NRG3: variants seen among roughly 807,000 people sequenced by gnomAD.
NRG3 encodes the protein neuregulin 3, also known as pro-neuregulin-3, membrane-bound isoform.
Under a neutral mutation model 66.9 loss-of-function variants are expected in NRG3, and 31 were observed. That is an observed-to-expected ratio of 0.46 (90% CI 0.35 to 0.63). The LOEUF is 0.63. Ranked by LOEUF, NRG3 falls within the 20% of genes least tolerant of loss-of-function variation. The pLI is 0.00. For synonymous variants in NRG3, 393 were observed against 359.4 expected (o/e 1.09, Z -1.06); for missense variants, 910 against 878.9 (o/e 1.04, Z -0.45).
At chr10:82,016,678 T>C (rs2061800948) in intron 1 of NRG3, among the ~76,000 whole-genome samples, 1 of 152,004 alleles carries the variant, frequency 6.6e-6, no homozygotes, top group African/African-American at 2.4e-5. Flanking sequence ...TGTTATGTTT[T>C]AAGTGAAAAG....
chr10:82,665,004 C>G lies in NRG3; in HGVS notation c.954-73573C>G, dbSNP rs143096082. Among the ~76,000 whole-genome samples the G allele has an allele frequency of 9.2e-3, 1,404 of 152,300 alleles. 18 individuals carry two copies. Among genetic ancestry groups the G allele is most frequent in the Middle Eastern group, 0.017 (5 of 294 alleles). On this transcript the variant is annotated intron_variant, in intron 2 of 8. Transcript: ENST00000372141. ...ACAGCTCATGATCCATATTCTCCGC[C>G]TTCTCACGATGATGTCCATTATTTC...
intron 3 of NRG3, among the ~76,000 whole-genome samples, chr10:82,751,080 G>A (rs992186463): frequency 6.6e-6 from 1 of 152,070 alleles, no homozygotes; most frequent in African/African-American, 2.4e-5. Context: ...TGATTTGTTT[G>A]ATATGTGGAT....
chr10:82,481,512 G>A (rs1564972784), intron 2 of NRG3, among the ~76,000 whole-genome samples: 2 of 152,022 alleles, frequency 1.3e-5, no homozygotes, highest in South Asian at 4.2e-4. Flanking sequence ...GAAATTAAAG[G>A]GTCAAAATGA....
Position 82,128,438 on chromosome 10 carries a change from C to T in NRG3, c.824-230301C>T, listed in dbSNP as rs1365673523. ...GACATGTGCATCCCTTATATTAAAACTCTTACTTTCTATATGCCTTCCCAG... is the reference window on the plus strand; with the variant it reads ...GACATGTGCATCCCTTATATTAAAATTCTTACTTTCTATATGCCTTCCCAG... On this transcript the variant is annotated intron_variant, in intron 1 of 8. Transcript: ENST00000372141. Among the ~76,000 whole-genome samples, 4 of 152,020 alleles carry T rather than the reference C, an allele frequency of 2.6e-5. No individual in the cohort carries two copies. In the South Asian group the frequency reaches 6.2e-4, roughly 24 times the overall value.
chr10:82,114,411 G>A (rs751392644), intron 1 of NRG3, among the ~76,000 whole-genome samples: 4 of 152,126 alleles, frequency 2.6e-5, no homozygotes, highest in Non-Finnish European at 4.4e-5. Context: ...GAACCTGAAC[G>A]TGCTAAAAAA....
intron 1 of NRG3, among the ~76,000 whole-genome samples, chr10:81,900,624 A>G (rs1339305037): frequency 1.3e-5 from 2 of 152,208 alleles, no homozygotes; most frequent in Non-Finnish European, 2.9e-5. Flanking sequence ...AATGCTTAAG[A>G]TATTTACATT....
rs71894841 is a variant in NRG3 at position 82,215,963 on chromosome 10, C to CT, written c.824-142754dup. Among the ~76,000 whole-genome samples, 532 of 89,664 alleles carry CT rather than the reference C, an allele frequency of 5.9e-3. 8 individuals are homozygous for CT. The highest frequency in any genetic ancestry group is 0.018 in the South Asian group (48 of 2,614). 58.8% of individuals were successfully genotyped at this position (89,664 alleles called of 152,430 possible). On this transcript the variant is annotated intron_variant, in intron 1 of 8. Coordinates refer to ENST00000372141, the MANE Select transcript of NRG3 (RefSeq NM_001010848.4). ...GTTTGTTTATATTTTTTATGTTTTC[C>CT]TTTTTTTTTTTTTTTTTTTTTTGAG... is the stretch of plus-strand genomic sequence containing the variant.
At chr10:82,490,734 T>C (rs757432762) in intron 2 of NRG3, among the ~76,000 whole-genome samples, 5 of 152,138 alleles carry the variant, frequency 3.3e-5, no homozygotes, top group Non-Finnish European at 7.3e-5. Flanking sequence ...TGATTCCTAT[T>C]CTTCCCTCAA....
Position 82,358,732 on chromosome 10 carries a change from C to G in NRG3, c.824-7C>G, listed in dbSNP as rs2083935821. The G allele has an allele frequency of 1.2e-6, 2 of 1,614,094 alleles. No homozygotes were observed. Among genetic ancestry groups the G allele is most frequent in the Non-Finnish European group, 1.7e-6 (2 of 1,180,004 alleles). On this transcript the variant is annotated splice_polypyrimidine_tract_variant and splice_region_variant and intron_variant, in intron 1 of 8. Transcript: ENST00000372141. ...GACAGCGTTTCCCCCTGTGCTTTCC[C>G]TGACAGATACGACGACATATTCCAC...
chr10:82,846,303 T>G (rs566428403), intron 3 of NRG3, among the ~76,000 whole-genome samples: 1 of 152,248 alleles, frequency 6.6e-6, no homozygotes, highest in African/African-American at 2.4e-5. Context: ...AAAAGAGACT[T>G]GAAGCCTCCC....
chr10:82,312,147 A>G (rs998588274), intron 1 of NRG3, among the ~76,000 whole-genome samples: 23 of 152,266 alleles, frequency 1.5e-4, no homozygotes, highest in Middle Eastern at 3.4e-3. Context: ...CTCCTAAGCA[A>G]GGGTATTTTC....
intron 2 of NRG3, among the ~76,000 whole-genome samples, chr10:82,368,629 C>T (rs1179632552): frequency 2.9e-5 from 4 of 138,106 alleles, no homozygotes; most frequent in Non-Finnish European, 4.4e-5. Flanking sequence ...GAGAGTTTCA[C>T]TATCTTGTGA....
At chr10:82,480,459 A>T (rs1469084659) in intron 2 of NRG3, among the ~76,000 whole-genome samples, 5 of 152,194 alleles carry the variant, frequency 3.3e-5, no homozygotes, top group Admixed American at 3.3e-4. Flanking sequence ...TGAAAAAAAG[A>T]AACATTATTT....
intron 2 of NRG3, among the ~76,000 whole-genome samples, chr10:82,546,375 G>T (rs1222370845): frequency 6.6e-6 from 1 of 151,948 alleles, no homozygotes; most frequent in Non-Finnish European, 1.5e-5. Flanking sequence ...TTTTTTAAAT[G>T]ATATATGTAG....
At chr10:82,067,467 C>T (rs1403087655) in intron 1 of NRG3, among the ~76,000 whole-genome samples, 3 of 152,198 alleles carry the variant, frequency 2.0e-5, no homozygotes, top group Admixed American at 2.0e-4. Flanking sequence ...CCTGCCTCAG[C>T]CTCCCAAGTA....
chr10:82,766,778 C>T (rs1241603287), intron 3 of NRG3, among the ~76,000 whole-genome samples: 1 of 151,876 alleles, frequency 6.6e-6, no homozygotes, highest in Non-Finnish European at 1.5e-5. Flanking sequence ...TGACTGATAT[C>T]TGACTCCTTA....
intron 1 of NRG3, among the ~76,000 whole-genome samples, chr10:82,269,038 C>T (rs1330478418): frequency 6.6e-6 from 1 of 152,140 alleles, no homozygotes; most frequent in South Asian, 2.1e-4. Context: ...AATGCACTTT[C>T]ACTGCAATCC....
In NRG3 at chr10:82,625,857, GA is replaced by G. The variant is rs1337328386; in HGVS notation, c.954-112715del. 2.0e-5 allele frequency among the ~76,000 whole-genome samples: 3 copies of G among 152,122 alleles called. No homozygotes were observed. The East Asian group carries it at 5.8e-4, about 29-fold the overall frequency. On this transcript the variant is annotated intron_variant, in intron 2 of 8. Transcript: ENST00000372141. ...ACAACTATGATGCAAGAAGGAACAG[GA>G]AAAATGGGCATTTCACATTTCCTTT...
rs1462248649 is a variant in NRG3 at position 82,021,317 on chromosome 10, T to C, written c.823+145154T>C. On this transcript the variant is annotated intron_variant, in intron 1 of 8. Transcript: ENST00000372141. Reference sequence around the variant, plus strand: ...TGATTTTTAGGTACTTTTTATCACATACTCCTACACTGCTGGACTTTGAAT... The same window carrying C: ...TGATTTTTAGGTACTTTTTATCACACACTCCTACACTGCTGGACTTTGAAT... Among the ~76,000 whole-genome samples the C allele has an allele frequency of 2.0e-5, 3 of 152,060 alleles. No individual in the cohort carries two copies. In the East Asian group the frequency reaches 5.8e-4, roughly 29 times the overall value.
Sources: allele counts gnomAD v4.1 joint callset (sites outside exome capture counted in the v4.1 genomes callset), GRCh38; gene constraint gnomAD v4.1.1; transcripts MANE v1.5; gene names NCBI Gene and HGNC (gene_info 2026-07-23, HGNC 2026-07-21).